The following VWC2L variants were observed in gnomAD, a reference collection of about 807,000 sequenced individuals.
VWC2L encodes the protein von Willebrand factor C domain-containing protein 2-like.
In VWC2L, 10 loss-of-function variants were observed where a neutral mutation model predicts 21.6. That is an observed-to-expected ratio of 0.46 (90% CI 0.29 to 0.78). VWC2L has a LOEUF of 0.78. Ranked by LOEUF, VWC2L falls within the 30% of genes least tolerant of loss-of-function variation. The pLI is 0.10. For missense variants in VWC2L, 209 were observed against 277.1 expected (o/e 0.75, Z 1.74); for synonymous variants, 96 against 94.3 (o/e 1.02, Z -0.10).
chr2:214,431,895 C>T (rs946330297), intron 2 of VWC2L, among the ~76,000 whole-genome samples: 1 of 152,102 alleles, frequency 6.6e-6, no homozygotes, highest in African/African-American at 2.4e-5. Flanking sequence ...GCTAGATAAC[C>T]TAGTCAATGG....
At chr2:214,464,497 C>G (rs887430734) in intron 3 of VWC2L, among the ~76,000 whole-genome samples, 7 of 152,036 alleles carry the variant, frequency 4.6e-5, no homozygotes, top group African/African-American at 1.7e-4. Context: ...CTCAGAGTCT[C>G]TCTCTCCATG....
At chr2:214,459,141 T>C (rs977991054) in intron 3 of VWC2L, among the ~76,000 whole-genome samples, 1 of 152,212 alleles carries the variant, frequency 6.6e-6, no homozygotes, top group African/African-American at 2.4e-5. Context: ...TGTTGCTGAA[T>C]TGATCTCTTT....
chr2:214,574,855 G>A (rs1574645170), intron 3 of VWC2L, among the ~76,000 whole-genome samples: 1 of 151,890 alleles, frequency 6.6e-6, no homozygotes, highest in Non-Finnish European at 1.5e-5. Flanking sequence ...AAGAAAATAA[G>A]GGGAAAGTAA....
chr2:214,476,174 T>C (rs1037147141), intron 3 of VWC2L, among the ~76,000 whole-genome samples: 27 of 152,308 alleles, frequency 1.8e-4, no homozygotes, highest in African/African-American at 6.3e-4. Context: ...TTCTGCTCAA[T>C]AGGTACCATC....
At chr2:214,503,561 T>C (rs146458606) in intron 3 of VWC2L, among the ~76,000 whole-genome samples, 164 of 152,250 alleles carry the variant, frequency 1.1e-3, no homozygotes, top group African/African-American at 3.8e-3. Context: ...TAGAAAGCAT[T>C]AAAATTTCCG....
intron 3 of VWC2L, among the ~76,000 whole-genome samples, chr2:214,540,228 T>C (rs1016550442): frequency 6.6e-6 from 1 of 152,172 alleles, no homozygotes; most frequent in Non-Finnish European, 1.5e-5. Context: ...GATTGCACCA[T>C]TAAAAATATT....
intron 2 of VWC2L, among the ~76,000 whole-genome samples, chr2:214,421,353 A>G (rs1574555453): frequency 6.6e-6 from 1 of 152,352 alleles, no homozygotes; most frequent in Non-Finnish European, 1.5e-5. Context: ...GCTCATTGAC[A>G]GTCAGAACTA....
intron 3 of VWC2L, 108 bp from the exon 4 acceptor site, chr2:214,575,559 CAGTAG>C: frequency 8.6e-7 from 1 of 1,160,978 alleles, no homozygotes. Context: ...GATGATAAGT[CAGTAG>C]AGTAGTCTGA....
chr2:214,561,177 G>A (rs1169673467), intron 3 of VWC2L, among the ~76,000 whole-genome samples: 1 of 152,210 alleles, frequency 6.6e-6, no homozygotes, highest in Non-Finnish European at 1.5e-5. Context: ...TTCATTAGGT[G>A]TTTGATGGGG....
chr2:214,522,741 A>G (rs971128945), intron 3 of VWC2L, among the ~76,000 whole-genome samples: 3 of 152,330 alleles, frequency 2.0e-5, no homozygotes, highest in Middle Eastern at 3.4e-3. Flanking sequence ...TACAAGCTAC[A>G]TAAATACATA....
At chr2:214,537,112 A>G (rs1440274752) in intron 3 of VWC2L, among the ~76,000 whole-genome samples, 1 of 151,962 alleles carries the variant, frequency 6.6e-6, no homozygotes, top group Non-Finnish European at 1.5e-5. Context: ...AATCTGGGTT[A>G]GTTGTCCCTC....
chr2:214,521,787 T>A (rs1318064072), intron 3 of VWC2L, among the ~76,000 whole-genome samples: 1 of 152,226 alleles, frequency 6.6e-6, no homozygotes, highest in Non-Finnish European at 1.5e-5. Flanking sequence ...CACATCATCT[T>A]GGCTTTGGCT....
At chr2:214,519,803 C>T (rs776055357) in intron 3 of VWC2L, among the ~76,000 whole-genome samples, 3 of 152,128 alleles carry the variant, frequency 2.0e-5, no homozygotes, top group Non-Finnish European at 4.4e-5. Flanking sequence ...AACTGACTCC[C>T]CCTAGGTTCA....
chr2:214,553,734 G>A (rs968034559), intron 3 of VWC2L, among the ~76,000 whole-genome samples: 1 of 152,118 alleles, frequency 6.6e-6, no homozygotes, highest in Non-Finnish European at 1.5e-5. Flanking sequence ...GTAAAATGAG[G>A]CATGTCTAGA....
intron 3 of VWC2L, among the ~76,000 whole-genome samples, chr2:214,523,479 G>T (rs1347052796): frequency 6.6e-6 from 1 of 152,158 alleles, no homozygotes; most frequent in Non-Finnish European, 1.5e-5. Context: ...TTGAGAAACA[G>T]ATTTTTTTCT....
chr2:214,485,576 C>T (rs1172715349), intron 3 of VWC2L, among the ~76,000 whole-genome samples: 1 of 152,156 alleles, frequency 6.6e-6, no homozygotes. Flanking sequence ...GCTTAGGGCC[C>T]AGCACACAGG....
chr2:214,538,944 T>TG (rs1419045258), intron 3 of VWC2L, among the ~76,000 whole-genome samples: 3 of 152,100 alleles, frequency 2.0e-5, no homozygotes, highest in African/African-American at 7.2e-5. Context: ...AAACCTCTAT[T>TG]GGGGAAAAAC....
intron 3 of VWC2L, among the ~76,000 whole-genome samples, chr2:214,542,895 TCAAG>T (rs1435487434): frequency 2.0e-5 from 3 of 152,212 alleles, no homozygotes; most frequent in South Asian, 4.1e-4. Flanking sequence ...GTTCATTCAT[TCAAG>T]CAAATATTTA....
At chr2:214,547,219 A>G (rs1689722941) in intron 3 of VWC2L, among the ~76,000 whole-genome samples, 1 of 94,044 alleles carries the variant, frequency 1.1e-5, no homozygotes, top group South Asian at 3.1e-4. Context: ...TACTTCTGCA[A>G]GGAAATTTTA....
Sources: gnomAD v4.1 joint callset for allele counts (sites outside exome capture counted in the v4.1 genomes callset) on GRCh38, gnomAD v4.1.1 for gene constraint, MANE v1.5 for transcripts, NCBI Gene and HGNC (gene_info 2026-07-23, HGNC 2026-07-21) for gene names.